Variants in SLC8A1 observed in about 807,000 individuals in gnomAD.
The protein encoded by SLC8A1 is solute carrier family 8 member A1, also known as sodium/calcium exchanger 1.
In SLC8A1, 18 loss-of-function variants were observed where a neutral mutation model predicts 68.3. The ratio of observed to expected loss-of-function variants is 0.26; its 90% CI spans 0.18 to 0.39. The LOEUF (loss-of-function observed/expected upper bound fraction) is 0.39. Ranked by LOEUF, SLC8A1 falls within the 10% of genes least tolerant of loss-of-function variation. SLC8A1 has a pLI of 1.00. For synonymous variants in SLC8A1, 475 were observed against 415.5 expected (o/e 1.14, Z -1.74); for missense variants, 985 against 1,156.7 (o/e 0.85, Z 2.15).
intron 2 of SLC8A1, among the ~76,000 whole-genome samples, chr2:40,395,174 A>G (rs1406108114): frequency 6.6e-6 from 1 of 152,180 alleles, no homozygotes; most frequent in Non-Finnish European, 1.5e-5. Flanking sequence ...CTAAAGAAAC[A>G]AAAACCTTTT....
intron 2 of SLC8A1, among the ~76,000 whole-genome samples, chr2:40,330,679 G>C (rs990881070): frequency 2.6e-5 from 4 of 152,144 alleles, no homozygotes; most frequent in African/African-American, 9.7e-5. Context: ...AGTTGCAAAG[G>C]TAAATGTGGA....
At chr2:40,426,272 G>A (rs1277770204) in intron 2 of SLC8A1, among the ~76,000 whole-genome samples, 1 of 151,982 alleles carries the variant, frequency 6.6e-6, no homozygotes, top group African/African-American at 2.4e-5. Context: ...TATAGAGCAA[G>A]AAACTTGCGA....
chr2:40,340,777 A>C (rs1399195015), intron 2 of SLC8A1, among the ~76,000 whole-genome samples: 1 of 152,142 alleles, frequency 6.6e-6, no homozygotes, highest in Non-Finnish European at 1.5e-5. Flanking sequence ...GAGAGTAAGG[A>C]AAACGGAAAT....
At chr2:40,396,853 G>C (rs927279976) in intron 2 of SLC8A1, among the ~76,000 whole-genome samples, 1 of 149,194 alleles carries the variant, frequency 6.7e-6, no homozygotes, top group Non-Finnish European at 1.5e-5. Flanking sequence ...CAGTGATAAT[G>C]ACCTGACTTT....
At chr2:40,374,752 C>T (rs1048353400) in intron 2 of SLC8A1, among the ~76,000 whole-genome samples, 1 of 151,982 alleles carries the variant, frequency 6.6e-6, no homozygotes, top group African/African-American at 2.4e-5. Context: ...GATACAGCCT[C>T]TAAAAGATTA....
intron 2 of SLC8A1, among the ~76,000 whole-genome samples, chr2:40,351,289 A>G (rs1365000002): frequency 2.0e-5 from 3 of 152,148 alleles, no homozygotes; most frequent in Admixed American, 6.6e-5. Context: ...GAAACATGCC[A>G]TGGATGATAC....
At chr2:40,129,234 A>AT (rs66846961) in intron 7 of SLC8A1, among the ~76,000 whole-genome samples, 23,584 of 143,918 alleles carry the variant, frequency 0.16, 2,266 homozygotes, top group African/African-American at 0.27. Context: ...GAGATGTTTC[A>AT]TTTTTTTTTT....
chr2:40,452,862 T>A (rs1702723365), upstream of SLC8A1, among the ~76,000 whole-genome samples: 1 of 151,928 alleles, frequency 6.6e-6, no homozygotes, highest in African/African-American at 2.4e-5. Flanking sequence ...CCAGAGTCTG[T>A]TTCGTGTGAA....
chr2:40,295,201 G>A (rs1006789867), intron 2 of SLC8A1, among the ~76,000 whole-genome samples: 2 of 152,048 alleles, frequency 1.3e-5, no homozygotes, highest in East Asian at 1.9e-4. Context: ...TTGGGCTCAA[G>A]TGATCCTCCA....
intron 1 of SLC8A1, among the ~76,000 whole-genome samples, chr2:40,482,293 T>A (rs1015838045): frequency 2.0e-5 from 3 of 151,962 alleles, no homozygotes; most frequent in African/African-American, 7.2e-5. Context: ...CAGGGTCATT[T>A]ATAGCCTCTG....
chr2:40,311,311 C>T (rs529320255), intron 2 of SLC8A1, among the ~76,000 whole-genome samples: 1 of 152,074 alleles, frequency 6.6e-6, no homozygotes, highest in South Asian at 2.1e-4. Flanking sequence ...ACATTCAAAG[C>T]TGTAACTTTT....
At chr2:40,103,173 A>C (rs1031314309) in exon 8 of SLC8A1, 6 of 152,174 alleles carry the variant, frequency 3.9e-5, no homozygotes, top group African/African-American at 1.4e-4. Context: ...CTTCAAGAGA[A>C]AGCTTACATT....
chr2:40,435,663 G>A (rs1181729923), intron 1 of SLC8A1, among the ~76,000 whole-genome samples: 1 of 152,142 alleles, frequency 6.6e-6, no homozygotes, highest in Non-Finnish European at 1.5e-5. Context: ...AGGCAATGTG[G>A]TCACAAAAGG....
chr2:40,301,141 A>G (rs1249526651), intron 2 of SLC8A1, among the ~76,000 whole-genome samples: 1 of 152,186 alleles, frequency 6.6e-6, no homozygotes, highest in East Asian at 1.9e-4. Flanking sequence ...TGGGATAAAA[A>G]CAATGATAAA....
chr2:40,475,565 C>T (rs564271122), intron 1 of SLC8A1, among the ~76,000 whole-genome samples: 49 of 151,818 alleles, frequency 3.2e-4, no homozygotes, highest in Non-Finnish European at 5.7e-4. Flanking sequence ...TAATAATATA[C>T]CCATTATGCA....
intron 2 of SLC8A1, among the ~76,000 whole-genome samples, chr2:40,240,741 G>C (rs1468948591): frequency 6.6e-6 from 1 of 152,162 alleles, no homozygotes; most frequent in Non-Finnish European, 1.5e-5. Flanking sequence ...AGTCGGGCAT[G>C]GCAGCTCCTG....
intron 7 of SLC8A1, 94 bp from the exon 11 acceptor site, chr2:40,115,723 C>A: frequency 1.4e-6 from 2 of 1,476,002 alleles, no homozygotes; most frequent in South Asian, 1.3e-5. Context: ...AGGACCCAAC[C>A]CTTAATATAA....
intron 4 of SLC8A1, among the ~76,000 whole-genome samples, chr2:40,170,064 T>G (rs990692374): frequency 2.0e-5 from 3 of 152,242 alleles, no homozygotes; most frequent in Non-Finnish European, 2.9e-5. Flanking sequence ...ATCAGTCTTC[T>G]CTGCAGGCTG....
At chr2:40,179,775 C>T (rs1041796022) in intron 2 of SLC8A1, among the ~76,000 whole-genome samples, 1 of 152,130 alleles carries the variant, frequency 6.6e-6, no homozygotes. Flanking sequence ...TCTATGCATA[C>T]TAAAGAATAT....
Sources: allele counts gnomAD v4.1 joint callset (sites outside exome capture counted in the v4.1 genomes callset), GRCh38; gene constraint gnomAD v4.1.1; transcripts MANE v1.5; gene names NCBI Gene and HGNC (gene_info 2026-07-23, HGNC 2026-07-21).